MEIS1: variants seen among roughly 807,000 people sequenced by gnomAD.
The protein encoded by MEIS1 is Meis homeobox 1, also known as homeobox protein Meis1.
In MEIS1, 5 loss-of-function variants were observed where a neutral mutation model predicts 50.8. The ratio of observed to expected loss-of-function variants is 0.10; its 90% CI spans 0.05 to 0.21. The LOEUF is 0.21. MEIS1 is among the 10% of genes least tolerant of loss of function. The pLI is 1.00. For synonymous variants in MEIS1, 176 were observed against 179.3 expected (o/e 0.98, Z 0.15); for missense variants, 318 against 517.3 (o/e 0.61, Z 3.74).
chr2:66,499,373 T>G (rs940504937), intron 7 of MEIS1, among the ~76,000 whole-genome samples: 1 of 151,624 alleles, frequency 6.6e-6, no homozygotes, highest in African/African-American at 2.4e-5. Flanking sequence ...TCTCTTTTTT[T>G]CCCCCTGACC....
intron 6 of MEIS1, among the ~76,000 whole-genome samples, chr2:66,458,137 G>A (rs750035741): frequency 2.0e-5 from 3 of 152,068 alleles, no homozygotes; most frequent in Non-Finnish European, 2.9e-5. Context: ...GACCAGTAGT[G>A]TAGAAGTTTT....
intron 7 of MEIS1, among the ~76,000 whole-genome samples, chr2:66,502,327 C>G (rs988951672): frequency 6.6e-6 from 1 of 152,078 alleles, no homozygotes; most frequent in African/African-American, 2.4e-5. Flanking sequence ...TGGAAACTGA[C>G]CATGAACTCT....
chr2:66,498,344 G>T (rs1020859659), intron 7 of MEIS1, among the ~76,000 whole-genome samples: 1 of 152,162 alleles, frequency 6.6e-6, no homozygotes, highest in African/African-American at 2.4e-5. Context: ...GTGAAACGGG[G>T]CTTTGGAGAG....
At position 66,452,427 on chromosome 2, in the gene MEIS1, G is replaced by A. The variant is rs558193021; in HGVS notation, c.630+9379G>A. Reference sequence around the variant, plus strand: ...TAAGGGTGGCATCTCTGCCAATGTGGTATAGCCCTAAGTAGATAATTAAGG... The same window carrying A: ...TAAGGGTGGCATCTCTGCCAATGTGATATAGCCCTAAGTAGATAATTAAGG... On this transcript the variant is annotated intron_variant, in intron 6 of 12. Coordinates refer to ENST00000272369, the MANE Select transcript of MEIS1 (RefSeq NM_002398.3). Among the ~76,000 whole-genome samples the A allele has an allele frequency of 8.6e-5, 13 of 151,954 alleles. No homozygotes were observed. The South Asian group carries it at 2.7e-3, about 32-fold the overall frequency.
At chr2:66,558,072 G>A (rs1017698505) in intron 9 of MEIS1, among the ~76,000 whole-genome samples, 3 of 152,018 alleles carry the variant, frequency 2.0e-5, no homozygotes, top group Admixed American at 2.0e-4. Context: ...CTGAGGTTGG[G>A]AGTTCAAGAC....
intron 7 of MEIS1, among the ~76,000 whole-genome samples, chr2:66,510,737 G>T (rs1274635948): frequency 1.3e-5 from 2 of 151,764 alleles, no homozygotes; most frequent in Non-Finnish European, 2.9e-5. Flanking sequence ...TTTCACAGGA[G>T]AGAGATGGGT....
intron 9 of MEIS1, among the ~76,000 whole-genome samples, chr2:66,548,884 T>G (rs1242926512): frequency 1.3e-5 from 2 of 152,200 alleles, no homozygotes; most frequent in Non-Finnish European, 2.9e-5. Flanking sequence ...GCCCAAAGCC[T>G]GGGCTGGGGA....
At chr2:66,454,725 A>G (rs978545237) in intron 6 of MEIS1, 2 of 152,128 alleles carry the variant, frequency 1.3e-5, no homozygotes, top group African/African-American at 2.4e-5. Context: ...GAGCACTGAT[A>G]CTAAGTTACG....
chr2:66,467,168 T>A (rs1184656012), intron 7 of MEIS1, among the ~76,000 whole-genome samples: 1 of 152,174 alleles, frequency 6.6e-6, no homozygotes, highest in Admixed American at 6.5e-5. Context: ...GATTTCAAAA[T>A]ACAGTAAGAG....
chr2:66,457,048 A>C (rs1672407568), intron 6 of MEIS1, among the ~76,000 whole-genome samples: 1 of 152,138 alleles, frequency 6.6e-6, no homozygotes, highest in Non-Finnish European at 1.5e-5. Flanking sequence ...AAAACATCTA[A>C]ATGCTCAAAA....
At chr2:66,504,353 C>A (rs1050158255) in intron 7 of MEIS1, among the ~76,000 whole-genome samples, 1 of 152,122 alleles carries the variant, frequency 6.6e-6, no homozygotes, top group East Asian at 1.9e-4. Flanking sequence ...CCTGCCTCAG[C>A]CTCCCGAGTA....
intron 7 of MEIS1, among the ~76,000 whole-genome samples, chr2:66,467,309 ATC>A (rs1672661220): frequency 6.6e-6 from 1 of 152,000 alleles, no homozygotes; most frequent in Non-Finnish European, 1.5e-5. Flanking sequence ...GAAATACAAA[ATC>A]CATGGCTGGG....
At chr2:66,491,818 A>C (rs1673281235) in intron 7 of MEIS1, among the ~76,000 whole-genome samples, 2 of 151,946 alleles carry the variant, frequency 1.3e-5, no homozygotes, top group African/African-American at 2.4e-5. Flanking sequence ...CACAATGGAG[A>C]CAGTTGATTT....
At chr2:66,552,228 A>G (rs1167361961) in intron 9 of MEIS1, among the ~76,000 whole-genome samples, 2 of 152,150 alleles carry the variant, frequency 1.3e-5, no homozygotes, top group African/African-American at 4.8e-5. Context: ...TGTCGTACTT[A>G]CTGGATGCCT....
intron 7 of MEIS1, among the ~76,000 whole-genome samples, chr2:66,480,372 A>T (rs77080969): frequency 1.5e-4 from 23 of 152,160 alleles, no homozygotes; most frequent in African/African-American, 5.1e-4. Flanking sequence ...ACTAGTGACT[A>T]AAATTTCTCT....
At chr2:66,460,769 C>CTTG (rs1176801875) in intron 6 of MEIS1, among the ~76,000 whole-genome samples, 112 of 151,470 alleles carry the variant, frequency 7.4e-4, no homozygotes, top group African/African-American at 2.6e-3. Flanking sequence ...TGTTGTTGTT[C>CTTG]TTGTTGTTTT....
chr2:66,498,854 T>A (rs547257812), intron 7 of MEIS1, among the ~76,000 whole-genome samples: 2 of 152,326 alleles, frequency 1.3e-5, no homozygotes, highest in South Asian at 4.1e-4. Context: ...TTGTTAGGAA[T>A]GCAGAATCTC....
intron 8 of MEIS1, among the ~76,000 whole-genome samples, chr2:66,536,888 C>G (rs1449539975): frequency 2.0e-5 from 3 of 152,222 alleles, no homozygotes; most frequent in African/African-American, 7.2e-5. Context: ...TTCTCTCTCT[C>G]TCTCTCTGGC....
intron 7 of MEIS1, among the ~76,000 whole-genome samples, chr2:66,503,531 G>T (rs1244954160): frequency 6.6e-6 from 1 of 152,112 alleles, no homozygotes; most frequent in Non-Finnish European, 1.5e-5. Context: ...GCTTCAGTTT[G>T]CAGTTGTACA....
Sources: allele counts gnomAD v4.1 joint callset (sites outside exome capture counted in the v4.1 genomes callset), GRCh38; gene constraint gnomAD v4.1.1; transcripts MANE v1.5; gene names NCBI Gene and HGNC (gene_info 2026-07-23, HGNC 2026-07-21).